DLG2: variants seen among roughly 807,000 people sequenced by gnomAD.
DLG2 encodes disks large homolog 2.
DLG2 carries 45 observed loss-of-function variants against 132.5 expected under a neutral mutation model. The ratio of observed to expected loss-of-function variants is 0.34; its 90% CI spans 0.27 to 0.44. DLG2 has a LOEUF of 0.44. DLG2 is among the 20% of genes least tolerant of loss of function. DLG2 has a pLI of 1.00. For missense variants in DLG2, 1,045 were observed against 1,196.9 expected (o/e 0.87, Z 1.87); for synonymous variants, 424 against 419.6 (o/e 1.01, Z -0.13).
At chr11:85,029,670 C>A (rs960930825) in intron 6 of DLG2, among the ~76,000 whole-genome samples, 11 of 152,108 alleles carry the variant, frequency 7.2e-5, no homozygotes, top group Admixed American at 2.6e-4. Context: ...AAATTCAGCC[C>A]AAAGATTTTT....
intron 7 of DLG2, among the ~76,000 whole-genome samples, chr11:84,451,835 G>A (rs2099052433): frequency 6.6e-6 from 1 of 151,778 alleles, no homozygotes; most frequent in Admixed American, 6.6e-5. Context: ...TGTTGGGAAT[G>A]GTTAAATTTT....
intron 18 of DLG2, among the ~76,000 whole-genome samples, chr11:83,663,890 G>A (rs2074944672): frequency 6.6e-6 from 1 of 152,166 alleles, no homozygotes; most frequent in Non-Finnish European, 1.5e-5. Context: ...TAAGATTGAG[G>A]CACTGAAAAC....
At chr11:85,437,058 C>T (rs768726125) in intron 3 of DLG2, among the ~76,000 whole-genome samples, 9 of 152,064 alleles carry the variant, frequency 5.9e-5, no homozygotes, top group Non-Finnish European at 1.3e-4. Flanking sequence ...GAACAGAAAG[C>T]CAAACACAGT....
intron 8 of DLG2, among the ~76,000 whole-genome samples, chr11:84,176,389 A>G (rs909281246): frequency 1.3e-5 from 2 of 149,594 alleles, no homozygotes; most frequent in East Asian, 3.9e-4. Context: ...CATATATAAC[A>G]TATAAGCTTT....
At chr11:83,514,178 A>G (rs2095188983) in intron 21 of DLG2, among the ~76,000 whole-genome samples, 2 of 152,140 alleles carry the variant, frequency 1.3e-5, no homozygotes, top group African/African-American at 2.4e-5. Context: ...ATGTTCTTCC[A>G]TTTGTCTGTA....
chr11:83,721,586 A>T (rs1391680740), intron 18 of DLG2, among the ~76,000 whole-genome samples: 1 of 152,236 alleles, frequency 6.6e-6, no homozygotes, highest in Non-Finnish European at 1.5e-5. Flanking sequence ...GTCTCCAGTG[A>T]TAAATCCACA....
chr11:85,072,650 G>A (rs1404826965), intron 6 of DLG2, among the ~76,000 whole-genome samples: 2 of 151,794 alleles, frequency 1.3e-5, no homozygotes, highest in Non-Finnish European at 2.9e-5. Flanking sequence ...TTAGGACTTG[G>A]AGAGGTTAAG....
intron 3 of DLG2, among the ~76,000 whole-genome samples, chr11:85,560,205 A>G (rs1377530800): frequency 6.6e-5 from 10 of 151,838 alleles, no homozygotes; most frequent in African/African-American, 2.4e-4. Flanking sequence ...TAAACTTACC[A>G]TACAACCTAG....
intron 10 of DLG2, among the ~76,000 whole-genome samples, chr11:84,090,714 C>T (rs1226932787): frequency 2.0e-5 from 3 of 152,052 alleles, no homozygotes; most frequent in East Asian, 1.9e-4. Context: ...TGGTAACATG[C>T]ATCAAAAGGT....
At chr11:83,580,372 A>C (rs2096950323) in intron 19 of DLG2, among the ~76,000 whole-genome samples, 1 of 148,570 alleles carries the variant, frequency 6.7e-6, no homozygotes, top group African/African-American at 2.5e-5. Flanking sequence ...AAAAAAAAAA[A>C]CATTTATTGA....
intron 8 of DLG2, among the ~76,000 whole-genome samples, chr11:84,221,319 C>G (rs1001336457): frequency 2.5e-4 from 38 of 152,032 alleles, no homozygotes; most frequent in African/African-American, 8.7e-4. Flanking sequence ...CAAAAATTAG[C>G]CAGGCATGGT....
chr11:83,473,056 A>C (rs2092261013), intron 22 of DLG2, among the ~76,000 whole-genome samples: 1 of 152,120 alleles, frequency 6.6e-6, no homozygotes, highest in Non-Finnish European at 1.5e-5. Context: ...TGAGAATGGA[A>C]TGCCATGGCC....
intron 6 of DLG2, among the ~76,000 whole-genome samples, chr11:84,768,184 A>G (rs1383733702): frequency 1.3e-5 from 2 of 152,178 alleles, no homozygotes; most frequent in African/African-American, 4.8e-5. Flanking sequence ...GAAAAAGTAC[A>G]CACAAATAGA....
At chr11:83,537,807 C>CAAAAAAAAAAAAA (rs1164386994) in intron 20 of DLG2, among the ~76,000 whole-genome samples, 2 of 18,298 alleles carry the variant, frequency 1.1e-4, no homozygotes, top group Non-Finnish European at 2.1e-4. Flanking sequence ...GACTCTGTCT[C>CAAAAAAAAAAAAA]AAAAAAAAAA....
intron 21 of DLG2, among the ~76,000 whole-genome samples, chr11:83,504,539 G>T (rs2094597236): frequency 6.6e-6 from 1 of 152,162 alleles, no homozygotes; most frequent in South Asian, 2.1e-4. Context: ...AGTAGGAGGA[G>T]CCCAAAGTGT....
intron 18 of DLG2, among the ~76,000 whole-genome samples, chr11:83,770,015 GC>G (rs1340777470): frequency 6.6e-6 from 1 of 152,096 alleles, no homozygotes; most frequent in African/African-American, 2.4e-5. Context: ...CTTAACACTG[GC>G]AATAACCCGT....
chr11:83,793,964 AG>A (rs1367161543), intron 17 of DLG2, among the ~76,000 whole-genome samples: 1 of 152,222 alleles, frequency 6.6e-6, no homozygotes, highest in Non-Finnish European at 1.5e-5. Context: ...CTTATACATT[AG>A]AGATGAACCC....
intron 3 of DLG2, among the ~76,000 whole-genome samples, chr11:85,384,446 T>C (rs1019532886): frequency 6.6e-6 from 1 of 152,220 alleles, no homozygotes; most frequent in African/African-American, 2.4e-5. Flanking sequence ...TTGGAACTCA[T>C]ATCAAAAAGC....
rs79305467 is a variant in DLG2 at position 83,664,194 on chromosome 11, G to A, written c.1826-30869C>T. Among the ~76,000 whole-genome samples, 1,174 of 152,290 alleles carry A rather than the reference G, an allele frequency of 7.7e-3. 11 individuals carry two copies. The highest frequency in any genetic ancestry group is 0.027 in the African/African-American group (1,107 of 41,554). On this transcript the variant is annotated intron_variant, in intron 18 of 27. Transcript: ENST00000376104. ...AACACCAAGAGTCTGTTGACACATAGGCTGTCATCCTGCAGGCTGGTCCAC... is the reference window on the plus strand; with the variant it reads ...AACACCAAGAGTCTGTTGACACATAAGCTGTCATCCTGCAGGCTGGTCCAC...
Sources: allele counts gnomAD v4.1 joint callset (sites outside exome capture counted in the v4.1 genomes callset), GRCh38; gene constraint gnomAD v4.1.1; transcripts MANE v1.5; gene names NCBI Gene and HGNC (gene_info 2026-07-23, HGNC 2026-07-21).